APP: variants seen among roughly 807,000 people sequenced by gnomAD.
The protein encoded by APP is amyloid-beta precursor protein.
APP carries 31 observed loss-of-function variants against 101.4 expected under a neutral mutation model. The observed-to-expected ratio is 0.31, with a 90% CI of 0.23 to 0.41. The LOEUF is 0.41. Ranked by LOEUF, APP falls within the 10% of genes least tolerant of loss-of-function variation. The pLI is 1.00. For missense variants in APP, 839 were observed against 1,003.7 expected (o/e 0.84, Z 2.22); for synonymous variants, 366 against 364.4 (o/e 1.00, Z -0.05).
chr21:26,039,878 A>T (rs2045294288), intron 5 of APP, among the ~76,000 whole-genome samples: 1 of 152,136 alleles, frequency 6.6e-6, no homozygotes, highest in Admixed American at 6.5e-5. Flanking sequence ...AATACAAATT[A>T]AAATACTATA....
intron 6 of APP, 42 bp downstream of exon 6, chr21:26,021,798 T>G: frequency 6.2e-7 from 1 of 1,606,990 alleles, no homozygotes; most frequent in Non-Finnish European, 8.5e-7. Context: ...TACGCTTTCT[T>G]TTCCTTGGGG....
chr21:26,071,221 C>A (rs1052651874), intron 3 of APP, among the ~76,000 whole-genome samples: 1 of 152,242 alleles, frequency 6.6e-6, no homozygotes, highest in Non-Finnish European at 1.5e-5. Context: ...CCTGTTTGCA[C>A]ACAGCGAGCC....
At chr21:25,991,456 C>T (rs111920025) in intron 8 of APP, among the ~76,000 whole-genome samples, 5,060 of 152,274 alleles carry the variant, frequency 0.033, 283 homozygotes, top group African/African-American at 0.11. Context: ...CAGCTCACTG[C>T]AACCTCTGCC....
At chr21:25,906,548 C>G (rs1427314286) in intron 14 of APP, among the ~76,000 whole-genome samples, 2 of 152,222 alleles carry the variant, frequency 1.3e-5, no homozygotes, top group Non-Finnish European at 2.9e-5. Flanking sequence ...ATAGTAACTA[C>G]TGATGCGAGA....
intron 6 of APP, among the ~76,000 whole-genome samples, chr21:26,001,665 T>A (rs2043301120): frequency 6.6e-6 from 1 of 152,110 alleles, no homozygotes; most frequent in South Asian, 2.1e-4. Context: ...CCTGGCTAAT[T>A]TTTTGGTATT....
rs2042848910 is a variant in APP, at chr21:25,991,235, G to A, written c.1090+6125C>T. Among the ~76,000 whole-genome samples, 10 of 152,036 alleles carry A rather than the reference G, an allele frequency of 6.6e-5. No individual in the cohort carries two copies. The South Asian group carries it at 1.9e-3, about 28-fold the overall frequency. On this transcript the variant is annotated intron_variant, in intron 8 of 17. Coordinates refer to ENST00000346798, the MANE Select transcript of APP (RefSeq NM_000484.4). ...ACAATGTACACTACTCAGTGAAATG[G>A]GGACACTAAACTCTCAGACATCACC...
At chr21:26,056,987 C>G (rs2046068304) in intron 3 of APP, among the ~76,000 whole-genome samples, 1 of 152,038 alleles carries the variant, frequency 6.6e-6, no homozygotes, top group Non-Finnish European at 1.5e-5. Flanking sequence ...CCTTTTTCAC[C>G]AACTGGCTTA....
At chr21:26,011,969 A>T (rs1285497031) in intron 6 of APP, among the ~76,000 whole-genome samples, 1 of 152,080 alleles carries the variant, frequency 6.6e-6, no homozygotes, top group Non-Finnish European at 1.5e-5. Context: ...TACCATTATT[A>T]TCAACTAAAT....
At chr21:26,148,134 G>A (rs2063190497) in intron 1 of APP, among the ~76,000 whole-genome samples, 1 of 152,230 alleles carries the variant, frequency 6.6e-6, no homozygotes, top group Non-Finnish European at 1.5e-5. Flanking sequence ...GGAAGCCTCT[G>A]CAAGTGGAGA....
intron 3 of APP, 82 bp downstream of exon 3, chr21:26,089,861 G>A: frequency 6.3e-7 from 1 of 1,597,308 alleles, no homozygotes; most frequent in Non-Finnish European, 8.6e-7. Flanking sequence ...GTCTGTGTAT[G>A]TGACCTAACA....
At chr21:25,888,873 G>A (rs991213978) in intron 17 of APP, among the ~76,000 whole-genome samples, 41 of 152,216 alleles carry the variant, frequency 2.7e-4, no homozygotes, top group African/African-American at 7.2e-4. Context: ...TGAGGCTTGC[G>A]CGGAGAACTA....
intron 8 of APP, among the ~76,000 whole-genome samples, chr21:25,983,827 T>C (rs1169528125): frequency 6.6e-6 from 1 of 152,142 alleles, no homozygotes; most frequent in Non-Finnish European, 1.5e-5. Flanking sequence ...GAGGGAGTGG[T>C]GTTCCTTCTT....
At chr21:25,943,651 G>C (rs889787660) in intron 13 of APP, among the ~76,000 whole-genome samples, 1 of 148,484 alleles carries the variant, frequency 6.7e-6, no homozygotes, top group Non-Finnish European at 1.5e-5. Flanking sequence ...GTTTTGCCAT[G>C]TTGGCCAGGC....
rs979350760 is a variant in APP at position 26,090,159 on chromosome 21, C to T, written c.226-87G>A. The T allele has an allele frequency of 3.2e-5, 51 of 1,574,790 alleles. 1 individual carries two copies. The highest frequency in any genetic ancestry group is 4.4e-5 in the Non-Finnish European group (51 of 1,154,888). ...TCTAACAAGCCTCCACTGTAAGGTACAGGTGGAGTGTCCCTTATCCAAAAT... is the reference window on the plus strand; with the variant it reads ...TCTAACAAGCCTCCACTGTAAGGTATAGGTGGAGTGTCCCTTATCCAAAAT... On this transcript the variant is annotated intron_variant, in intron 2 of 17. Coordinates refer to ENST00000346798, the MANE Select transcript of APP (RefSeq NM_000484.4).
chr21:25,893,082 T>G (rs1334201715), intron 16 of APP, among the ~76,000 whole-genome samples: 1 of 152,216 alleles, frequency 6.6e-6, no homozygotes, highest in Non-Finnish European at 1.5e-5. Flanking sequence ...ATTCAAACAT[T>G]AAAAATTATT....
At chr21:25,893,615 C>T (rs2037836203) in intron 16 of APP, among the ~76,000 whole-genome samples, 1 of 152,118 alleles carries the variant, frequency 6.6e-6, no homozygotes, top group Admixed American at 6.6e-5. Context: ...AGAACAAGGC[C>T]CACAACTGTC....
intron 5 of APP, among the ~76,000 whole-genome samples, chr21:26,025,263 A>G (rs1036618948): frequency 6.6e-6 from 1 of 152,230 alleles, no homozygotes; most frequent in African/African-American, 2.4e-5. Context: ...TGAATCAAAG[A>G]AAGATGACCT....
intron 2 of APP, among the ~76,000 whole-genome samples, chr21:26,095,767 T>C (rs1199103713): frequency 6.6e-6 from 1 of 152,236 alleles, no homozygotes; most frequent in Non-Finnish European, 1.5e-5. Flanking sequence ...CTTAAGCTGC[T>C]TAATTTGCAT....
chr21:26,152,312 C>A, intron 1 of APP, among the ~76,000 whole-genome samples: 1 of 110,078 alleles, frequency 9.1e-6, no homozygotes, highest in African/African-American at 4.1e-5. Context: ...AAAAAATGGG[C>A]CAAGGATCTG....
Sources: allele counts gnomAD v4.1 joint callset (sites outside exome capture counted in the v4.1 genomes callset), GRCh38; gene constraint gnomAD v4.1.1; transcripts MANE v1.5; gene names NCBI Gene and HGNC (gene_info 2026-07-23, HGNC 2026-07-21).